The following SBF2 variants were observed in gnomAD, a reference collection of about 807,000 sequenced individuals.
The protein encoded by SBF2 is myotubularin-related protein 13.
Under a neutral mutation model 225.2 loss-of-function variants are expected in SBF2, and 112 were observed. The ratio of observed to expected loss-of-function variants is 0.50; its 90% confidence interval spans 0.43 to 0.58. SBF2 has a LOEUF of 0.58. Ranked by LOEUF, SBF2 falls within the 20% of genes least tolerant of loss-of-function variation. The pLI, the probability that SBF2 is intolerant of heterozygous loss-of-function variation, is 0.00. For synonymous variants in SBF2, 763 were observed against 773.3 expected, an observed-to-expected ratio of 0.99 and a Z score of 0.22; for missense variants, 1,996 against 2,206.2, an observed-to-expected ratio of 0.90 and a Z score of 1.91.
At chr11:9,900,044 T>A (rs72854435) in intron 16 of SBF2, among the ~76,000 whole-genome samples, 62,303 of 139,794 alleles carry the variant, frequency 0.45, 14,837 homozygotes, top group Non-Finnish European at 0.54. Context: ...TTTTTTTTTT[T>A]AAAAAAAAAA....
chr11:10,130,093 T>C (rs1351328499), intron 2 of SBF2, among the ~76,000 whole-genome samples: 3 of 152,202 alleles, frequency 2.0e-5, no homozygotes, highest in Admixed American at 2.0e-4. Context: ...CCAGGCGCAG[T>C]GGCTCATGCC....
chr11:9,975,882 G>T, intron 13 of SBF2, among the ~76,000 whole-genome samples: 1 of 152,034 alleles, frequency 6.6e-6, no homozygotes, highest in Non-Finnish European at 1.5e-5. Flanking sequence ...GACATGTAGT[G>T]AAATTAACCT....
At chr11:9,942,411 C>G (rs72855636) in intron 16 of SBF2, among the ~76,000 whole-genome samples, 17,462 of 152,066 alleles carry the variant, frequency 0.11, 1,121 homozygotes, top group East Asian at 0.31. Context: ...TTTATAGATA[C>G]GAAAACTTGC....
intron 2 of SBF2, among the ~76,000 whole-genome samples, chr11:10,061,482 T>C (rs139724119): frequency 0.014 from 2,151 of 152,178 alleles, 52 homozygotes; most frequent in African/African-American, 0.048. Context: ...GATAAACAAC[T>C]TCAGCAAAGT....
chr11:10,068,821 T>C (rs1479544864), intron 2 of SBF2, among the ~76,000 whole-genome samples: 4 of 152,170 alleles, frequency 2.6e-5, no homozygotes, highest in Non-Finnish European at 5.9e-5. Context: ...AAGGAGCTGA[T>C]GAATGAAAAT....
intron 16 of SBF2, among the ~76,000 whole-genome samples, chr11:9,937,262 G>T (rs1186457917): frequency 6.6e-6 from 1 of 152,134 alleles, no homozygotes; most frequent in Admixed American, 6.5e-5. Flanking sequence ...TCAAAGGGAA[G>T]ATCCTACAAG....
At chr11:9,805,813 G>A (rs1030558914) in intron 32 of SBF2, among the ~76,000 whole-genome samples, 11 of 152,152 alleles carry the variant, frequency 7.2e-5, no homozygotes, top group Admixed American at 2.6e-4. Flanking sequence ...TAGTAGAGAT[G>A]GGGTTTCACC....
chr11:9,975,451 G>A (rs1394492963), intron 13 of SBF2, among the ~76,000 whole-genome samples: 1 of 152,214 alleles, frequency 6.6e-6, no homozygotes, highest in Non-Finnish European at 1.5e-5. Context: ...AAATTGATCA[G>A]TGGTTGCCAA....
At chr11:9,980,771 G>A (rs1314487622) in intron 13 of SBF2, among the ~76,000 whole-genome samples, 1 of 150,746 alleles carries the variant, frequency 6.6e-6, no homozygotes, top group Non-Finnish European at 1.5e-5. Flanking sequence ...GTAGAGATGG[G>A]GTTTCACTGT....
chr11:9,795,918 A>G lies in SBF2; in HGVS notation c.4483T>C (p.Tyr1495His). The G allele has an allele frequency of 6.2e-7, 1 of 1,613,444 alleles. No homozygotes were observed. The highest frequency in any genetic ancestry group is 1.1e-5 in the South Asian group (1 of 91,068). The stretch of plus-strand genomic sequence containing the variant: ...TGGAAAGCCAAGAACTTTAAGTAAT[A>G]GAGATTGAATTCAAACTCAGTTGGA... The part of the protein sequence containing the change: ...QYPTEFEFNL[Y>H]YLKFLAFHYV... Residue 1495 changes from tyrosine (Y) to histidine (H), a missense_variant, in exon 33 of 40, where the codon TAT becomes CAT. By Grantham distance (83) the Tyr-to-His change is moderately conservative. Coordinates refer to ENST00000256190, the MANE Select transcript of SBF2 (RefSeq NM_030962.4).
chr11:10,092,724 T>C lies in SBF2; in HGVS notation c.142-49743A>G, dbSNP rs755836607. Among the ~76,000 whole-genome samples, 25 of 152,220 alleles carry C rather than the reference T, an allele frequency of 1.6e-4. 1 individual carries two copies. The highest frequency in any genetic ancestry group is 4.1e-4 in the South Asian group (2 of 4,834). ...AGAGGAAGAGAACATCCATTAATGC[T>C]AAAATAAAGGGATGACACATACACA... On this transcript the variant is annotated intron_variant, in intron 2 of 39. Coordinates refer to ENST00000256190, the MANE Select transcript of SBF2 (RefSeq NM_030962.4).
chr11:10,134,618 G>T (rs554496414), intron 2 of SBF2, among the ~76,000 whole-genome samples: 3 of 152,220 alleles, frequency 2.0e-5, no homozygotes, highest in East Asian at 1.9e-4. Context: ...CAAAACAAAG[G>T]GGTTACAGGC....
chr11:10,046,150 T>A (rs1310448870), intron 2 of SBF2, among the ~76,000 whole-genome samples: 4 of 152,084 alleles, frequency 2.6e-5, no homozygotes, highest in Non-Finnish European at 5.9e-5. Flanking sequence ...CATTTGAACA[T>A]CCTCGGATTT....
At chr11:9,852,198 A>G (rs1240283653) in intron 21 of SBF2, among the ~76,000 whole-genome samples, 2 of 152,194 alleles carry the variant, frequency 1.3e-5, no homozygotes, top group Non-Finnish European at 2.9e-5. Flanking sequence ...AGATTCCCAG[A>G]CATGTTCTGG....
intron 1 of SBF2, among the ~76,000 whole-genome samples, chr11:10,226,280 T>A (rs1958538800): frequency 6.6e-6 from 1 of 152,142 alleles, no homozygotes; most frequent in Non-Finnish European, 1.5e-5. Context: ...GAAGTAACAT[T>A]TAAGAAACAA....
intron 2 of SBF2, among the ~76,000 whole-genome samples, chr11:10,108,273 C>G (rs548234256): frequency 6.6e-6 from 1 of 152,142 alleles, no homozygotes; most frequent in Admixed American, 6.5e-5. Context: ...TTCTGCTACC[C>G]CAAAAGGGAA....
At chr11:10,009,670 T>G (rs576474225) in intron 6 of SBF2, among the ~76,000 whole-genome samples, 1 of 152,238 alleles carries the variant, frequency 6.6e-6, no homozygotes, top group Non-Finnish European at 1.5e-5. Flanking sequence ...TGATGGACAT[T>G]TGGGTGGGTT....
At chr11:10,063,941 C>T (rs1950545387) in intron 2 of SBF2, among the ~76,000 whole-genome samples, 1 of 151,158 alleles carries the variant, frequency 6.6e-6, no homozygotes, top group East Asian at 1.9e-4. Flanking sequence ...ATATAAGTAA[C>T]AGGAATTAAG....
chr11:9,824,281 G>A (rs985029917), intron 28 of SBF2, among the ~76,000 whole-genome samples: 15 of 152,096 alleles, frequency 9.9e-5, no homozygotes, highest in Non-Finnish European at 1.9e-4. Flanking sequence ...TGTTAAGGCC[G>A]GGTGCAGTGG....
Sources: gnomAD v4.1 joint callset for allele counts (sites outside exome capture counted in the v4.1 genomes callset) on GRCh38, gnomAD v4.1.1 for gene constraint, MANE v1.5 for transcripts, NCBI Gene and HGNC (gene_info 2026-07-23, HGNC 2026-07-21) for gene names.